CAMK1D: variants seen among roughly 807,000 people sequenced by gnomAD.
CAMK1D encodes calcium/calmodulin dependent protein kinase ID, also known as calcium/calmodulin-dependent protein kinase type 1D.
In CAMK1D, 9 loss-of-function variants were observed where a neutral mutation model predicts 47.7. The observed-to-expected ratio is 0.19, with a 90% CI of 0.11 to 0.33. The LOEUF is 0.33. CAMK1D is among the 10% of genes least tolerant of loss of function. The probability of loss-of-function intolerance (pLI) is 1.00; values close to 1 mark genes in which losing one functional copy is unlikely to be tolerated. For missense variants in CAMK1D, 291 were observed against 488.7 expected, an observed-to-expected ratio of 0.60 and a Z score of 3.81; for synonymous variants, 184 against 184.9, an observed-to-expected ratio of 0.99 and a Z score of 0.04.
At chr10:12,702,173 G>A (rs891004736) in intron 3 of CAMK1D, among the ~76,000 whole-genome samples, 5 of 152,120 alleles carry the variant, frequency 3.3e-5, no homozygotes, top group African/African-American at 1.2e-4. Context: ...AGCAGGAATC[G>A]TGCAGGGACA....
intron 1 of CAMK1D, among the ~76,000 whole-genome samples, chr10:12,552,894 A>C (rs1157156120): frequency 6.6e-6 from 1 of 152,116 alleles, no homozygotes; most frequent in Non-Finnish European, 1.5e-5. Flanking sequence ...GGTGCGTGCC[A>C]CCACCTCTGG....
intron 1 of CAMK1D, among the ~76,000 whole-genome samples, chr10:12,499,269 C>A (rs998391491): frequency 6.6e-6 from 1 of 152,086 alleles, no homozygotes; most frequent in African/African-American, 2.4e-5. Flanking sequence ...CACTTAGTAA[C>A]CTTAGTAAGA....
chr10:12,569,258 A>G (rs1837239489), intron 2 of CAMK1D, among the ~76,000 whole-genome samples: 1 of 152,234 alleles, frequency 6.6e-6, no homozygotes, highest in Non-Finnish European at 1.5e-5. Flanking sequence ...GTTATTTTAA[A>G]TAAAACAACA....
chr10:12,797,718 C>T (rs1398766533), intron 6 of CAMK1D, among the ~76,000 whole-genome samples: 1 of 152,148 alleles, frequency 6.6e-6, no homozygotes, highest in Non-Finnish European at 1.5e-5. Context: ...CTCGTCTCCC[C>T]ATCACATTCT....
At chr10:12,396,145 C>A (rs2724807) in intron 1 of CAMK1D, among the ~76,000 whole-genome samples, 96,061 of 151,658 alleles carry the variant, frequency 0.63, 30,670 homozygotes, top group African/African-American at 0.7. Flanking sequence ...AAGTGCTGGG[C>A]TTACAGGCGT....
At chr10:12,765,820 G>T (rs1836729295) in intron 4 of CAMK1D, among the ~76,000 whole-genome samples, 1 of 152,260 alleles carries the variant, frequency 6.6e-6, no homozygotes, top group South Asian at 2.1e-4. Context: ...CTGAGCTTGA[G>T]GAGGTGGTGT....
At chr10:12,575,748 C>T (rs1314496077) in intron 2 of CAMK1D, among the ~76,000 whole-genome samples, 6 of 152,194 alleles carry the variant, frequency 3.9e-5, no homozygotes, top group South Asian at 2.1e-4. Context: ...CCCAAGAATT[C>T]GCGCTCCTCT....
At chr10:12,482,084 G>T (rs941632459) in intron 1 of CAMK1D, among the ~76,000 whole-genome samples, 2 of 152,232 alleles carry the variant, frequency 1.3e-5, no homozygotes, top group Admixed American at 6.5e-5. Context: ...TGAGGGGGTG[G>T]TTATTGGTAT....
At chr10:12,526,132 T>C (rs1260388798) in intron 1 of CAMK1D, among the ~76,000 whole-genome samples, 1 of 152,244 alleles carries the variant, frequency 6.6e-6, no homozygotes, top group African/African-American at 2.4e-5. Context: ...AAGGTTGAAA[T>C]TTCTTTCCTT....
intron 8 of CAMK1D, among the ~76,000 whole-genome samples, chr10:12,816,961 G>T (rs1311485396): frequency 6.6e-6 from 1 of 152,006 alleles, no homozygotes; most frequent in African/African-American, 2.4e-5. Flanking sequence ...GTTCCACGTG[G>T]CTGGGGAGGC....
intron 3 of CAMK1D, among the ~76,000 whole-genome samples, chr10:12,726,298 C>A (rs915470471): frequency 6.6e-6 from 1 of 151,914 alleles, no homozygotes; most frequent in African/African-American, 2.4e-5. Context: ...GTGGCACGCA[C>A]CTGTAGTCCC....
chr10:12,635,885 G>T (rs1017840970), intron 2 of CAMK1D, among the ~76,000 whole-genome samples: 1 of 152,082 alleles, frequency 6.6e-6, no homozygotes, highest in East Asian at 1.9e-4. Context: ...TACTTAAATT[G>T]CATATTTCAG....
intron 2 of CAMK1D, among the ~76,000 whole-genome samples, chr10:12,665,765 T>C (rs1353776025): frequency 6.6e-6 from 1 of 152,250 alleles, no homozygotes; most frequent in Non-Finnish European, 1.5e-5. Context: ...GTTCTTGAGT[T>C]AGAACTTGGT....
chr10:12,769,610 T>C (rs935518526), intron 4 of CAMK1D, 63 bp from the exon 5 acceptor site: 51 of 1,578,022 alleles, frequency 3.2e-5, no homozygotes, highest in African/African-American at 6.7e-5. Context: ...GCTGAATGAG[T>C]CTTCCACAAT....
chr10:12,752,849 C>T (rs1447898574), intron 3 of CAMK1D, among the ~76,000 whole-genome samples: 2 of 152,210 alleles, frequency 1.3e-5, no homozygotes, highest in East Asian at 1.9e-4. Context: ...CTGTCTGTAA[C>T]CAAGTCATAT....
At chr10:12,785,403 C>T (rs1311137205) in intron 5 of CAMK1D, among the ~76,000 whole-genome samples, 1 of 152,212 alleles carries the variant, frequency 6.6e-6, no homozygotes, top group Admixed American at 6.5e-5. Flanking sequence ...CAAAGCATCC[C>T]TCTTGCAGGA....
At chr10:12,410,376 T>C (rs1022302022) in intron 1 of CAMK1D, among the ~76,000 whole-genome samples, 4 of 152,210 alleles carry the variant, frequency 2.6e-5, no homozygotes, top group Admixed American at 6.5e-5. Context: ...TGTCTGAAGA[T>C]AATACAGGTG....
At chr10:12,669,671 G>A (rs754887085) in intron 3 of CAMK1D, among the ~76,000 whole-genome samples, 21 of 152,010 alleles carry the variant, frequency 1.4e-4, no homozygotes, top group Non-Finnish European at 2.9e-4. Context: ...AGACCCCTTC[G>A]ACCCCTTCAA....
At chr10:12,409,662 C>T (rs76469956) in intron 1 of CAMK1D, among the ~76,000 whole-genome samples, 1,900 of 152,352 alleles carry the variant, frequency 0.012, 38 homozygotes, top group African/African-American at 0.043. Flanking sequence ...GAGTACCATT[C>T]TGTGTTTTTG....
Sources: allele counts gnomAD v4.1 joint callset (sites outside exome capture counted in the v4.1 genomes callset), GRCh38; gene constraint gnomAD v4.1.1; transcripts MANE v1.5; gene names NCBI Gene and HGNC (gene_info 2026-07-23, HGNC 2026-07-21).